DLG2: variants seen among roughly 807,000 people sequenced by gnomAD.
The protein encoded by DLG2 is disks large homolog 2.
In DLG2, 45 loss-of-function variants were observed where a neutral mutation model predicts 132.5. The ratio of observed to expected loss-of-function variants is 0.34; its 90% confidence interval spans 0.27 to 0.44. The LOEUF (loss-of-function observed/expected upper bound fraction) is 0.44. Among genes scored for constraint, DLG2 ranks in the 20% least tolerant of loss-of-function variants. The pLI is 1.00. For missense variants in DLG2, 1,045 were observed against 1,196.9 expected (o/e 0.87, Z 1.87); for synonymous variants, 424 against 419.6 (o/e 1.01, Z -0.13).
At chr11:84,973,820 T>C (rs939519618) in intron 6 of DLG2, among the ~76,000 whole-genome samples, 1 of 152,178 alleles carries the variant, frequency 6.6e-6, no homozygotes, top group South Asian at 2.1e-4. Flanking sequence ...TAGGGTTGTA[T>C]TCCATGAATA....
intron 6 of DLG2, among the ~76,000 whole-genome samples, chr11:84,931,227 G>T (rs774787706): frequency 2.6e-5 from 4 of 151,904 alleles, no homozygotes; most frequent in Non-Finnish European, 4.4e-5. Context: ...GTGTCATGGG[G>T]GTTTCTTGTA....
chr11:84,626,973 G>A (rs1482863467), intron 6 of DLG2, among the ~76,000 whole-genome samples: 7 of 151,994 alleles, frequency 4.6e-5, no homozygotes, highest in Non-Finnish European at 2.9e-5. Flanking sequence ...CCAGGTTCAA[G>A]TGATTCTCCT....
chr11:85,181,207 T>C (rs567027833), intron 4 of DLG2, among the ~76,000 whole-genome samples: 5 of 151,662 alleles, frequency 3.3e-5, no homozygotes, highest in Admixed American at 3.3e-4. Context: ...TATATATGTA[T>C]ATGTATATGT....
chr11:84,655,329 A>G (rs2099686888), intron 6 of DLG2, among the ~76,000 whole-genome samples: 2 of 152,200 alleles, frequency 1.3e-5, no homozygotes, highest in Admixed American at 6.5e-5. Context: ...AGAGAATGCA[A>G]ACATACTTTG....
At chr11:85,259,737 C>T (rs1417468693) in intron 4 of DLG2, among the ~76,000 whole-genome samples, 2 of 151,924 alleles carry the variant, frequency 1.3e-5, no homozygotes, top group Non-Finnish European at 2.9e-5. Flanking sequence ...ATTGACAATC[C>T]AAATCCCCTG....
intron 3 of DLG2, among the ~76,000 whole-genome samples, chr11:85,292,852 G>C (rs1054692887): frequency 6.6e-6 from 1 of 151,858 alleles, no homozygotes. Context: ...AAGAACCAAG[G>C]CTTTTTGGAG....
intron 6 of DLG2, among the ~76,000 whole-genome samples, chr11:84,981,427 G>A (rs1054337206): frequency 6.6e-6 from 1 of 152,076 alleles, no homozygotes; most frequent in African/African-American, 2.4e-5. Context: ...GTAACTCTAA[G>A]CAGATCTGGC....
At chr11:84,405,302 C>G (rs1384627999) in intron 7 of DLG2, among the ~76,000 whole-genome samples, 1 of 152,122 alleles carries the variant, frequency 6.6e-6, no homozygotes, top group Non-Finnish European at 1.5e-5. Flanking sequence ...ATTTCCTTTC[C>G]TCAATGTCAA....
intron 6 of DLG2, among the ~76,000 whole-genome samples, chr11:84,788,106 A>G (rs2073226055): frequency 6.7e-6 from 1 of 148,562 alleles, no homozygotes; most frequent in South Asian, 2.1e-4. Flanking sequence ...GTCTCAAAAA[A>G]AAAAAAAAAA....
chr11:85,448,961 A>G (rs561168470), intron 3 of DLG2, among the ~76,000 whole-genome samples: 2 of 152,182 alleles, frequency 1.3e-5, no homozygotes, highest in East Asian at 3.9e-4. Context: ...TAAGTCAAAC[A>G]TGGCAGAAGT....
chr11:83,546,609 C>A (rs1258603506), intron 19 of DLG2, among the ~76,000 whole-genome samples: 1 of 151,984 alleles, frequency 6.6e-6, no homozygotes. Context: ...ATATAAAGAG[C>A]TGAAATGAAA....
intron 3 of DLG2, among the ~76,000 whole-genome samples, chr11:85,572,329 T>G (rs973045197): frequency 6.6e-6 from 1 of 152,160 alleles, no homozygotes; most frequent in Non-Finnish European, 1.5e-5. Context: ...GTTGCAAGGC[T>G]TATCAATAGT....
At chr11:83,973,324 C>T (rs749370185) in intron 12 of DLG2, among the ~76,000 whole-genome samples, 4 of 151,672 alleles carry the variant, frequency 2.6e-5, no homozygotes, top group African/African-American at 9.7e-5. Flanking sequence ...TGAGTATAAG[C>T]AAAATAAAAA....
At chr11:84,042,333 T>C (rs1185547026) in intron 11 of DLG2, among the ~76,000 whole-genome samples, 6 of 151,862 alleles carry the variant, frequency 4.0e-5, no homozygotes, top group Admixed American at 3.3e-4. Context: ...TTGTATGATG[T>C]CTTAATAAAT....
chr11:84,470,431 T>C (rs914993210), intron 7 of DLG2, among the ~76,000 whole-genome samples: 1 of 151,730 alleles, frequency 6.6e-6, no homozygotes, highest in African/African-American at 2.4e-5. Flanking sequence ...TTGTTCCTGT[T>C]GTCTAGGGGT....
At chr11:85,564,774 T>A (rs547912131) in intron 3 of DLG2, among the ~76,000 whole-genome samples, 2 of 152,010 alleles carry the variant, frequency 1.3e-5, no homozygotes, top group Non-Finnish European at 2.9e-5. Flanking sequence ...GTTTGTCAAT[T>A]TTTTTAAAAG....
At chr11:85,240,221 T>C (rs1158313996) in intron 4 of DLG2, among the ~76,000 whole-genome samples, 5 of 151,900 alleles carry the variant, frequency 3.3e-5, no homozygotes, top group African/African-American at 1.2e-4. Context: ...ATTTTTCCTT[T>C]GGTTTACTTG....
chr11:84,502,226 C>T lies in DLG2; in HGVS notation c.519+32344G>A, dbSNP rs1298906811. Among the ~76,000 whole-genome samples, 2 of 19,066 alleles carry T rather than the reference C, an allele frequency of 1.0e-4. 1 individual carries two copies. Among genetic ancestry groups the T allele is most frequent in the African/African-American group, 1.6e-3 (2 of 1,272 alleles). The allele number at this position is 19,066 out of a possible 152,430, so 12.5% of individuals were successfully genotyped here. A position where few individuals can be genotyped will look rare whatever the true frequency, so the allele number is the denominator to read the frequency against. ...TCCTTCCTTCCTTCCTTCCTTCCTT[C>T]CTTCCTTCCTTCCTTCCTTCCTTCC... On this transcript the variant is annotated intron_variant, in intron 7 of 27. Coordinates refer to ENST00000376104, the MANE Select transcript of DLG2 (RefSeq NM_001142699.3).
intron 3 of DLG2, among the ~76,000 whole-genome samples, chr11:85,564,897 C>T (rs1415075989): frequency 1.3e-5 from 2 of 151,938 alleles, no homozygotes; most frequent in African/African-American, 4.8e-5. Flanking sequence ...TCTATTTATT[C>T]AGGTCTTATT....
Sources: allele counts gnomAD v4.1 joint callset (sites outside exome capture counted in the v4.1 genomes callset), GRCh38; gene constraint gnomAD v4.1.1; transcripts MANE v1.5; gene names NCBI Gene and HGNC (gene_info 2026-07-23, HGNC 2026-07-21).